Variants in HDAC4 observed in about 807,000 individuals in gnomAD.
The protein encoded by HDAC4 is histone deacetylase 4.
In HDAC4, 16 loss-of-function variants were observed where a neutral mutation model predicts 135.1. That is an observed-to-expected ratio of 0.12 (90% CI 0.08 to 0.18). HDAC4 has a LOEUF of 0.18. Among genes scored for constraint, HDAC4 ranks in the 10% least tolerant of loss-of-function variants. The pLI is 1.00. For synonymous variants in HDAC4, 685 were observed against 653.4 expected, an observed-to-expected ratio of 1.05 and a Z score of -0.74; for missense variants, 1,143 against 1,511.8, an observed-to-expected ratio of 0.76 and a Z score of 4.05.
rs61735030 is a variant in HDAC4, at chr2:239,102,846, C to G, written c.2163G>C (p.Ser721=). The part of the protein sequence containing the change: ...ATLEELQTVH[S]EAHTLLYGTN... ...TGCCATACAGGAGGGTGTGGGCTTC[C>G]GAGTGCACCGTCTGTAGCTCCTCCA... is the stretch of plus-strand genomic sequence containing the variant. Residue 721 remains serine, a synonymous_variant, in exon 16 of 27, where the codon TCG becomes TCC. Coordinates refer to ENST00000543185, the MANE Select transcript of HDAC4 (RefSeq NM_001378414.1). 6.2e-7 allele frequency: 1 copy of G among 1,613,920 alleles called. No homozygotes were observed. The highest frequency in any genetic ancestry group is 2.2e-5 in the East Asian group (1 of 44,882).
At chr2:239,119,575 G>A (rs981287900) in intron 12 of HDAC4, among the ~76,000 whole-genome samples, 1 of 151,708 alleles carries the variant, frequency 6.6e-6, no homozygotes, top group Non-Finnish European at 1.5e-5. Context: ...GGGAACTGGA[G>A]CTAAGGGGAA....
At position 239,236,579 on chromosome 2, in the gene HDAC4, G is replaced by A; in HGVS notation, c.94+14C>T. On this transcript the variant is annotated intron_variant, in intron 3 of 26. Transcript: ENST00000543185. Reference sequence around the variant, plus strand: ...GCAGGGCCGGCCGGACAGGGCAGGGGTGGGCGGACTTACCCGTGCTGGGCA... The same window carrying A: ...GCAGGGCCGGCCGGACAGGGCAGGGATGGGCGGACTTACCCGTGCTGGGCA... The A allele has an allele frequency of 2.5e-5, 39 of 1,549,894 alleles. No homozygotes were observed. Among genetic ancestry groups the A allele is most frequent in the Non-Finnish European group, 3.3e-5 (38 of 1,145,336 alleles).
intron 1 of HDAC4, among the ~76,000 whole-genome samples, chr2:239,395,691 G>T (rs866239621): frequency 6.6e-6 from 1 of 152,142 alleles, no homozygotes; most frequent in Non-Finnish European, 1.5e-5. Context: ...GACTGCTCCA[G>T]ACCCCGCCTT....
At position 239,307,529 on chromosome 2, in the gene HDAC4, T is replaced by C. The variant is rs546732665; in HGVS notation, c.22+45149A>G. On this transcript the variant is annotated intron_variant, in intron 2 of 26. Coordinates refer to ENST00000543185, the MANE Select transcript of HDAC4 (RefSeq NM_001378414.1). The surrounding 1 kb of genome is among the most constrained non-coding windows in gnomAD (Gnocchi z 4.8). ...AGGGCCCAGTGGTCACTAAGGCCCATCTCTGCAGCTCCGTCCTCTCACCTA... is the reference window on the plus strand; with the variant it reads ...AGGGCCCAGTGGTCACTAAGGCCCACCTCTGCAGCTCCGTCCTCTCACCTA... Among the ~76,000 whole-genome samples, 3 of 152,254 alleles carry C rather than the reference T, an allele frequency of 2.0e-5. No individual in the cohort carries two copies. In the South Asian group the frequency reaches 6.2e-4, roughly 32 times the overall value.
intron 2 of HDAC4, among the ~76,000 whole-genome samples, chr2:239,350,011 C>T (rs1693009050): frequency 1.3e-5 from 2 of 152,168 alleles, no homozygotes; most frequent in African/African-American, 2.4e-5. Context: ...CAAACTGAAC[C>T]GCAGCGGCTG....
chr2:239,370,786 C>T (rs182289278), intron 1 of HDAC4, among the ~76,000 whole-genome samples: 13 of 152,338 alleles, frequency 8.5e-5, no homozygotes, highest in Non-Finnish European at 1.2e-4. Flanking sequence ...CCTGTCTTCA[C>T]AGCTCATCCC....
intron 15 of HDAC4, among the ~76,000 whole-genome samples, chr2:239,107,758 T>C (rs2038284900): frequency 6.6e-6 from 1 of 152,060 alleles, no homozygotes; most frequent in African/African-American, 2.4e-5. Flanking sequence ...CCCTGGACCT[T>C]GAGAAGAGCC....
At position 239,051,113 on chromosome 2, in the gene HDAC4, G is replaced by A. The variant is rs531576418; in HGVS notation, c.*1984C>T. On this transcript the variant is annotated 3_prime_UTR_variant, in exon 27 of 27. Coordinates refer to ENST00000543185, the MANE Select transcript of HDAC4 (RefSeq NM_001378414.1). ...AGTTTCATTAATGCTGACTGCCCCC[G>A]GCATCTGGCAAGCCTCCCAGGGTGG... is the stretch of plus-strand genomic sequence containing the variant. 3.9e-5 allele frequency: 6 copies of A among 152,728 alleles called. No homozygotes were observed. Among genetic ancestry groups the A allele is most frequent in the East Asian group, 1.9e-4 (1 of 5,178 alleles). The allele number at this position is 152,728 out of a possible 1,614,324, so 9.5% of individuals were successfully genotyped here. A position where few individuals can be genotyped will look rare whatever the true frequency, so the allele number is the denominator to read the frequency against.
At chr2:239,345,644 A>G (rs1428498192) in intron 2 of HDAC4, among the ~76,000 whole-genome samples, 2 of 149,784 alleles carry the variant, frequency 1.3e-5, no homozygotes, top group Non-Finnish European at 3.0e-5. Context: ...CAACACTCTC[A>G]ACCCTGTCTA....
intron 3 of HDAC4, among the ~76,000 whole-genome samples, chr2:239,201,586 C>A (rs533081432): frequency 7.9e-5 from 12 of 152,250 alleles, no homozygotes; most frequent in Non-Finnish European, 1.8e-4. Flanking sequence ...GGGGCTGTGG[C>A]AGCAACCTAG....
chr2:239,348,263 G>T (rs1470174541), intron 2 of HDAC4, among the ~76,000 whole-genome samples: 2 of 143,996 alleles, frequency 1.4e-5, no homozygotes, highest in African/African-American at 5.8e-5. Context: ...GCACCATCCC[G>T]CTGACCACAG....
chr2:239,350,115 G>A (rs772148707), intron 2 of HDAC4, among the ~76,000 whole-genome samples: 14 of 152,180 alleles, frequency 9.2e-5, no homozygotes, highest in Admixed American at 3.9e-4. Flanking sequence ...AGAGACAAGC[G>A]GATGGAGAAA....
chr2:239,102,200 G>C (rs564228661), intron 16 of HDAC4, among the ~76,000 whole-genome samples: 1 of 152,336 alleles, frequency 6.6e-6, no homozygotes, highest in African/African-American at 2.4e-5. Context: ...GGGAACACTG[G>C]AAGCCCCATG....
At chr2:239,378,349 AC>A in intron 1 of HDAC4, among the ~76,000 whole-genome samples, 1 of 152,294 alleles carries the variant, frequency 6.6e-6, no homozygotes, top group South Asian at 2.1e-4. Context: ...TGGGGTCCAC[AC>A]GATGATGGCC....
Position 239,400,702 on chromosome 2 carries a change from G to T in HDAC4, c.-220+276C>A, listed in dbSNP as rs1275213573. On this transcript the variant is annotated intron_variant, in intron 1 of 26. Transcript: ENST00000543185. The surrounding 1 kb of genome is among the most constrained non-coding windows in gnomAD (Gnocchi z 4.7). ...CGGGGCTGCGCTTACCGCGGCGGGC[G>T]GCGGCGGCCGGCTCTAGCCCTGCTC... 8 of 146,418 alleles carry T rather than the reference G, an allele frequency of 5.5e-5. No individual in the cohort carries two copies. Among genetic ancestry groups the T allele is most frequent in the African/African-American group, 2.0e-4 (8 of 40,684 alleles). The allele number at this position is 146,418 out of a possible 1,614,324, so 9.1% of individuals were successfully genotyped here.
chr2:239,139,666 C>A lies in HDAC4; in HGVS notation c.978+18G>T. On this transcript the variant is annotated intron_variant, in intron 9 of 26. Transcript: ENST00000543185. The surrounding 1 kb of genome is among the most constrained non-coding windows in gnomAD (Gnocchi z 5.3). ...CCGACTCTAGCCGTAGGACACAGGA[C>A]AAACGCTTCGCACTGACCTCCGCCG... 2 of 1,607,828 alleles carry A rather than the reference C, an allele frequency of 1.2e-6. No homozygotes were observed. Among genetic ancestry groups the A allele is most frequent in the African/African-American group, 2.7e-5 (2 of 74,952 alleles).
chr2:239,206,124 T>A (rs1228530330), intron 3 of HDAC4, among the ~76,000 whole-genome samples: 1 of 152,080 alleles, frequency 6.6e-6, no homozygotes. Context: ...GCCCAGGAGT[T>A]CAAGACCAGC....
At chr2:239,330,553 C>T (rs569798606) in intron 2 of HDAC4, among the ~76,000 whole-genome samples, 2 of 152,306 alleles carry the variant, frequency 1.3e-5, no homozygotes, top group Non-Finnish European at 2.9e-5. Flanking sequence ...TGCCAGTGAC[C>T]GCGCACAGTG....
intron 8 of HDAC4, chr2:239,140,858 G>A (rs1216349893): frequency 4.8e-6 from 2 of 417,404 alleles, no homozygotes; most frequent in Non-Finnish European, 1.0e-5. Flanking sequence ...GGACGCAGGT[G>A]CCCACTCATG....
Sources: gnomAD v4.1 joint callset for allele counts (sites outside exome capture counted in the v4.1 genomes callset) on GRCh38, gnomAD v4.1.1 for gene constraint, Gnocchi (gnomAD v3.1) non-coding constraint, MANE v1.5 for transcripts, NCBI Gene and HGNC (gene_info 2026-07-23, HGNC 2026-07-21) for gene names.